Variants in LDB3 observed in about 807,000 individuals in gnomAD.
LDB3 encodes the protein LIM domain binding 3, also known as LIM domain-binding protein 3.
A neutral mutation model predicts 69.0 loss-of-function variants in LDB3; 49 were observed. The observed-to-expected ratio is 0.71, with a 90% CI of 0.56 to 0.90. LDB3 has a LOEUF of 0.90. Ranked by LOEUF, LDB3 falls within the 40% of genes least tolerant of loss-of-function variation. The pLI is 0.00. For missense variants in LDB3, 928 were observed against 974.1 expected (o/e 0.95, Z 0.63); for synonymous variants, 387 against 396.2 (o/e 0.98, Z 0.28).
chr10:86,692,449 C>T, intron 6 of LDB3, 86 bp from the exon 7 acceptor site: 2 of 1,360,316 alleles, frequency 1.5e-6, no homozygotes, highest in Non-Finnish European at 2.1e-6. Context: ...TGGCTGAATC[C>T]TGGGGACTCA....
chr10:86,721,886 A>G (rs192612333), intron 12 of LDB3, among the ~76,000 whole-genome samples: 374 of 152,360 alleles, frequency 2.5e-3, no homozygotes, highest in Non-Finnish European at 3.9e-3. Flanking sequence ...CTTTTACAAT[A>G]GCAATAAAAT....
intron 5 of LDB3, chr10:86,687,176 A>C (rs199988151): frequency 1.2e-6 from 2 of 1,614,200 alleles, no homozygotes; most frequent in Non-Finnish European, 1.7e-6. Context: ...ACCATCATCC[A>C]TGCGCAGTAC....
intron 8 of LDB3, among the ~76,000 whole-genome samples, chr10:86,708,633 T>A (rs977137495): frequency 6.6e-6 from 1 of 152,164 alleles, no homozygotes; most frequent in African/African-American, 2.4e-5. Context: ...AGCACAGGAA[T>A]CTATCCAGAG....
chr10:86,681,416 C>T lies in LDB3; in HGVS notation c.322-20C>T, dbSNP rs199536065. ...TAACCGCTCTCTTCTCTCTCCCCTG[C>T]ATGGCCTGCCCTGTGCCAGGACCCC... On this transcript the variant is annotated intron_variant, in intron 4 of 13. Transcript: ENST00000361373. The T allele has an allele frequency of 7.2e-5, 115 of 1,599,646 alleles. 1 individual carries two copies. In the Middle Eastern group the frequency reaches 2.3e-3, roughly 32 times the overall value.
intron 8 of LDB3, 132 bp downstream of exon 8, chr10:86,706,851 G>A (rs946550606): frequency 2.6e-5 from 24 of 906,590 alleles, no homozygotes; most frequent in African/African-American, 5.0e-5. Flanking sequence ...CAAGGCCAGC[G>A]CTGCTTGGTG....
intron 7 of LDB3, among the ~76,000 whole-genome samples, chr10:86,704,596 T>TTTG (rs1436698051): frequency 6.7e-6 from 1 of 149,570 alleles, no homozygotes; most frequent in African/African-American, 2.5e-5. Context: ...TTTTTTTTTT[T>TTTG]TGAGACGGAG....
chr10:86,705,105 GGAAA>G (rs1321331383), intron 7 of LDB3, among the ~76,000 whole-genome samples: 1 of 152,148 alleles, frequency 6.6e-6, no homozygotes, highest in East Asian at 1.9e-4. Context: ...CTTTTATTGG[GGAAA>G]GAGTCTACTT....
In LDB3 at chr10:86,668,708, C is replaced by T; in HGVS notation, c.17C>T (p.Thr6Ile). The T allele has an allele frequency of 6.2e-7, 1 of 1,613,354 alleles. No homozygotes were observed. The highest frequency in any genetic ancestry group is 8.5e-7 in the Non-Finnish European group (1 of 1,179,922). ...AGCACCAGCATGTCTTACAGTGTGA[C>T]CCTGACTGGGCCCGGGCCCTGGGGC... is the stretch of plus-strand genomic sequence containing the variant. MSYSV[T>I]LTGPGPWGFR... Residue 6 changes from threonine to isoleucine, a missense_variant, in exon 2 of 14, where the codon ACC becomes ATC. By Grantham distance (89) the Thr-to-Ile change is moderately conservative. Coordinates refer to ENST00000361373, the MANE Select transcript of LDB3 (RefSeq NM_007078.3).
chr10:86,694,066 C>T (rs374596030), intron 7 of LDB3, among the ~76,000 whole-genome samples: 1 of 152,176 alleles, frequency 6.6e-6, no homozygotes, highest in South Asian at 2.1e-4. Flanking sequence ...AAGGCAGTCA[C>T]GCTCAGCTTG....
At chr10:86,667,099 G>A (rs574255577), upstream of LDB3, among the ~76,000 whole-genome samples, 1 of 152,284 alleles carries the variant, frequency 6.6e-6, no homozygotes, top group East Asian at 1.9e-4. Flanking sequence ...GGTGAAGGAA[G>A]TGATTAAGCA....
At chr10:86,732,801 G>A in intron 13 of LDB3, 86 bp from the exon 14 acceptor site, 2 of 1,069,746 alleles carry the variant, frequency 1.9e-6, no homozygotes, top group Non-Finnish European at 2.8e-6. Context: ...ACCACGCCTG[G>A]CCAGGGCGTT....
At chr10:86,685,513 C>T (rs1208344013) in intron 5 of LDB3, among the ~76,000 whole-genome samples, 1 of 152,172 alleles carries the variant, frequency 6.6e-6, no homozygotes, top group East Asian at 1.9e-4. Flanking sequence ...GCTGTGATTC[C>T]CGGCTCTGAG....
chr10:86,716,699 C>A lies in LDB3; in HGVS notation c.1604C>A (p.Thr535Asn). 1 of 1,613,788 alleles carries A rather than the reference C, an allele frequency of 6.2e-7. No homozygotes were observed. Among genetic ancestry groups the A allele is most frequent in the Non-Finnish European group, 8.5e-7 (1 of 1,179,988 alleles). ...CAGGTGCCACCACTTGCCAGGGGGACCGTCCAGAGGGCTGAGCGATTCCCA... is the reference window on the plus strand; with the variant it reads ...CAGGTGCCACCACTTGCCAGGGGGAACGTCCAGAGGGCTGAGCGATTCCCA... ...GPQVPPLARG[T>N]VQRAERFPAS... Residue 535 changes from threonine to asparagine, a missense_variant, in exon 10 of 14, where the codon ACC becomes AAC. By Grantham distance (65) the Thr-to-Asn change is moderately conservative. Coordinates refer to ENST00000361373, the MANE Select transcript of LDB3 (RefSeq NM_007078.3).
rs1272107394 is a variant in LDB3, at chr10:86,699,143, C to T, written c.896+6572C>T. On this transcript the variant is annotated intron_variant, in intron 7 of 13. Transcript: ENST00000361373. This position sits in a 1 kb window ranked among gnomAD's most constrained non-coding sequence, Gnocchi z 4.9. The stretch of plus-strand genomic sequence containing the variant: ...CCAAGCCCGTTCCCTCCCTCCCATG[C>T]CCTCTGCCCCACCTGTTAGACAGGG... 9.4e-7 allele frequency: 1 copy of T among 1,061,788 alleles called. No individual in the cohort carries two copies. The highest frequency in any genetic ancestry group is 1.4e-6 in the Non-Finnish European group (1 of 695,342). The allele number at this position is 1,061,788 out of a possible 1,614,324, so 65.8% of individuals were successfully genotyped here. A position where few individuals can be genotyped will look rare whatever the true frequency, so the allele number is the denominator to read the frequency against.
At chr10:86,718,901 C>T in intron 12 of LDB3, 54 bp downstream of exon 12, 1 of 1,610,692 alleles carries the variant, frequency 6.2e-7, no homozygotes, top group East Asian at 2.2e-5. Flanking sequence ...GAGAAAGGGG[C>T]AGGCACAGGG....
intron 2 of LDB3, among the ~76,000 whole-genome samples, chr10:86,669,832 AT>A (rs1451889437): frequency 6.6e-6 from 1 of 152,202 alleles, no homozygotes; most frequent in African/African-American, 2.4e-5. Flanking sequence ...AGGCAGGGGT[AT>A]CTGGGCTACT....
intron 2 of LDB3, among the ~76,000 whole-genome samples, chr10:86,677,043 G>A (rs986214134): frequency 6.6e-6 from 1 of 152,244 alleles, no homozygotes; most frequent in African/African-American, 2.4e-5. Context: ...TGACTGGGAT[G>A]TGCCCAGAGA....
At chr10:86,728,586 G>GTTTTTTTTTTGTTTTTTTTTTTTTT (rs769237064) in intron 13 of LDB3, among the ~76,000 whole-genome samples, 1 of 131,456 alleles carries the variant, frequency 7.6e-6, no homozygotes, top group African/African-American at 2.8e-5. Context: ...TGGTTCTTTT[G>GTTTTTTTTTTGTTTTTTTTTTTTTT]TTTTTTTTTT....
chr10:86,671,794 G>A (rs907254910), intron 2 of LDB3, among the ~76,000 whole-genome samples: 5 of 152,266 alleles, frequency 3.3e-5, no homozygotes, highest in East Asian at 1.9e-4. Flanking sequence ...TTACCTGCTC[G>A]GCCTCAGTTT....
Sources: gnomAD v4.1 joint callset for allele counts (sites outside exome capture counted in the v4.1 genomes callset) on GRCh38, gnomAD v4.1.1 for gene constraint, Gnocchi (gnomAD v3.1) non-coding constraint, MANE v1.5 for transcripts, NCBI Gene and HGNC (gene_info 2026-07-23, HGNC 2026-07-21) for gene names.